Variants in TANC2 observed in about 807,000 individuals in gnomAD.
The protein encoded by TANC2 is tetratricopeptide repeat, ankyrin repeat and coiled-coil containing 2.
In TANC2, 26 loss-of-function variants were observed where a neutral mutation model predicts 210.5. The ratio of observed to expected loss-of-function variants is 0.12; its 90% CI spans 0.09 to 0.17. The LOEUF (loss-of-function observed/expected upper bound fraction) is 0.17, where lower values mean the gene tolerates loss of function less well. TANC2 is among the 10% of genes least tolerant of loss of function. The pLI is 1.00. For synonymous variants in TANC2, 931 were observed against 967.1 expected (o/e 0.96, Z 0.69); for missense variants, 2,129 against 2,608.9 (o/e 0.82, Z 4.01).
chr17:63,367,949 G>A lies in TANC2; in HGVS notation c.2583-11769G>A, dbSNP rs114893480. On this transcript the variant is annotated intron_variant, in intron 14 of 27. Transcript: ENST00000689528. Reference sequence around the variant, plus strand: ...GTGATGTGAAAGATAGCTCTGACAAGTGATGTATGGAAGATGAGTCGAAAT... The same window carrying A: ...GTGATGTGAAAGATAGCTCTGACAAATGATGTATGGAAGATGAGTCGAAAT... Among the ~76,000 whole-genome samples, 603 of 152,316 alleles carry A rather than the reference G, an allele frequency of 4.0e-3. 7 individuals are homozygous for A. Among genetic ancestry groups the A allele is most frequent in the African/African-American group, 0.014 (590 of 41,558 alleles).
At chr17:63,015,808 T>C (rs928268004) in intron 2 of TANC2, among the ~76,000 whole-genome samples, 2 of 152,028 alleles carry the variant, frequency 1.3e-5, no homozygotes, top group Non-Finnish European at 1.5e-5. Context: ...GTTTATATTT[T>C]CTAAAAGTTC....
intron 2 of TANC2, among the ~76,000 whole-genome samples, chr17:63,039,597 A>G (rs1295931647): frequency 6.6e-6 from 1 of 152,218 alleles, no homozygotes; most frequent in African/African-American, 2.4e-5. Context: ...TCCAGAAGAC[A>G]AACAAAATGG....
At chr17:63,359,379 T>C (rs2046888732) in intron 14 of TANC2, among the ~76,000 whole-genome samples, 1 of 150,272 alleles carries the variant, frequency 6.7e-6, no homozygotes, top group African/African-American at 2.5e-5. Flanking sequence ...CAGAGTGTCC[T>C]GTCACCCAGG....
intron 2 of TANC2, among the ~76,000 whole-genome samples, chr17:63,059,014 G>A (rs1214794158): frequency 6.6e-6 from 1 of 152,132 alleles, no homozygotes; most frequent in Non-Finnish European, 1.5e-5. Flanking sequence ...CATTGAACCT[G>A]TAAATTGCTT....
At chr17:63,138,501 GCCC>G (rs1254544708) in intron 4 of TANC2, among the ~76,000 whole-genome samples, 1 of 151,964 alleles carries the variant, frequency 6.6e-6, no homozygotes, top group African/African-American at 2.4e-5. Flanking sequence ...AGTGCTAATA[GCCC>G]TTGTTCTGCT....
At chr17:63,038,739 A>C (rs1294626315) in intron 2 of TANC2, among the ~76,000 whole-genome samples, 1 of 152,180 alleles carries the variant, frequency 6.6e-6, no homozygotes, top group African/African-American at 2.4e-5. Flanking sequence ...GAGTTTCAGT[A>C]GTTATTAAGT....
rs566610069 is a variant in TANC2, at chr17:63,143,409, T to G, written c.323-7861T>G. 2.6e-4 allele frequency among the ~76,000 whole-genome samples: 40 copies of G among 152,292 alleles called. No homozygotes were observed. The South Asian group carries it at 8.3e-3, about 32-fold the overall frequency. On this transcript the variant is annotated intron_variant, in intron 4 of 27. Coordinates refer to ENST00000689528, the Ensembl canonical transcript of TANC2. The stretch of plus-strand genomic sequence containing the variant: ...AAAGAAGGAGATAAAGATGAAAAAT[T>G]AAATAGGAATGTCATAATTATTCTA...
At chr17:63,255,383 C>T (rs556767630) in intron 8 of TANC2, among the ~76,000 whole-genome samples, 5 of 152,256 alleles carry the variant, frequency 3.3e-5, no homozygotes, top group Admixed American at 1.3e-4. Flanking sequence ...TGAGCCACCG[C>T]GCCCGGCCGG....
In TANC2 at chr17:62,996,948, C is replaced by T. The variant is rs370106415; in HGVS notation, c.-23-12589C>T. The stretch of plus-strand genomic sequence containing the variant: ...CTTGCCTCAGCCTCCCAAGTAGCTG[C>T]GATTACAAGTGCGCACCACCACGTC... On this transcript the variant is annotated intron_variant, in intron 1 of 27. Transcript: ENST00000689528. Among the ~76,000 whole-genome samples the T allele has an allele frequency of 1.2e-4, 12 of 102,378 alleles. No homozygotes were observed. The South Asian group carries it at 1.2e-3, about 10-fold the overall frequency. The allele number at this position is 102,378 out of a possible 152,430, so 67.2% of individuals were successfully genotyped here. A position where few individuals can be genotyped will look rare whatever the true frequency, so the allele number is the denominator to read the frequency against.
At chr17:63,191,152 T>C (rs1274321089) in intron 5 of TANC2, among the ~76,000 whole-genome samples, 1 of 151,844 alleles carries the variant, frequency 6.6e-6, no homozygotes, top group African/African-American at 2.4e-5. Context: ...TAAGGAAGAA[T>C]GCAGAATCAA....
intron 7 of TANC2, among the ~76,000 whole-genome samples, chr17:63,222,139 TCA>T (rs2042209703): frequency 3.3e-5 from 5 of 152,190 alleles, no homozygotes; most frequent in Non-Finnish European, 7.3e-5. Flanking sequence ...GTAGACAGCA[TCA>T]TCCTCACATG....
intron 19 of TANC2, 32 bp downstream of exon 19, chr17:63,398,946 T>C (rs1303218187): frequency 6.7e-7 from 1 of 1,493,174 alleles, no homozygotes; most frequent in Admixed American, 2.0e-5. Context: ...CTCAAGAATG[T>C]GTTGTGTTTG....
intron 10 of TANC2, among the ~76,000 whole-genome samples, chr17:63,316,074 TCA>T (rs2045304115): frequency 6.6e-6 from 1 of 152,220 alleles, no homozygotes; most frequent in Admixed American, 6.5e-5. Context: ...TTTTTAGAGC[TCA>T]GTTTTCTTAT....
At chr17:63,419,723 C>T (rs1158300438) in intron 27 of TANC2, among the ~76,000 whole-genome samples, 1 of 152,074 alleles carries the variant, frequency 6.6e-6, no homozygotes, top group East Asian at 1.9e-4. Flanking sequence ...AACAACTTCC[C>T]GAAGGGCCTG....
At chr17:63,061,132 C>T (rs1471041696) in intron 2 of TANC2, among the ~76,000 whole-genome samples, 3 of 151,984 alleles carry the variant, frequency 2.0e-5, no homozygotes, top group Admixed American at 6.6e-5. Context: ...TTTGGGAGGC[C>T]GAGGTGGGCG....
intron 21 of TANC2, among the ~76,000 whole-genome samples, chr17:63,407,268 T>G (rs886138365): frequency 2.0e-5 from 3 of 152,174 alleles, no homozygotes; most frequent in Non-Finnish European, 4.4e-5. Flanking sequence ...GCGAAGTGGC[T>G]CTTGCCTTCC....
chr17:63,325,095 G>A (rs1272513272), intron 11 of TANC2, among the ~76,000 whole-genome samples: 1 of 151,850 alleles, frequency 6.6e-6, no homozygotes, highest in Admixed American at 6.6e-5. Flanking sequence ...GGGGCAAGGC[G>A]GATGTTGTCC....
intron 7 of TANC2, among the ~76,000 whole-genome samples, chr17:63,217,590 T>C (rs1359728930): frequency 6.6e-6 from 1 of 152,224 alleles, no homozygotes; most frequent in Non-Finnish European, 1.5e-5. Flanking sequence ...TTGAATTTGT[T>C]GTTTAAAACT....
chr17:63,388,047 C>A (rs550938813), intron 15 of TANC2: 53 of 152,642 alleles, frequency 3.5e-4, no homozygotes, highest in South Asian at 1.0e-3. Context: ...TCTAAAATCA[C>A]CTTGGGCCTC....
Sources: gnomAD v4.1 joint callset for allele counts (sites outside exome capture counted in the v4.1 genomes callset) on GRCh38, gnomAD v4.1.1 for gene constraint, MANE v1.5 for transcripts, NCBI Gene and HGNC (gene_info 2026-07-23, HGNC 2026-07-21) for gene names.